STXBP5L: variants seen among roughly 807,000 people sequenced by gnomAD.
The protein encoded by STXBP5L is syntaxin-binding protein 5-like.
STXBP5L carries 65 observed loss-of-function variants against 144.5 expected under a neutral mutation model. The ratio of observed to expected loss-of-function variants is 0.45; its 90% confidence interval spans 0.37 to 0.55. STXBP5L has a LOEUF of 0.55. Among genes scored for constraint, STXBP5L ranks in the 20% least tolerant of loss-of-function variants. STXBP5L has a pLI of 0.00. For synonymous variants in STXBP5L, 505 were observed against 469.6 expected (o/e 1.08, Z -0.97); for missense variants, 1,298 against 1,405.5 (o/e 0.92, Z 1.22).
chr3:120,953,202 A>G (rs975415945), intron 2 of STXBP5L, among the ~76,000 whole-genome samples: 2 of 152,142 alleles, frequency 1.3e-5, no homozygotes, highest in Non-Finnish European at 2.9e-5. Context: ...CTGTTGAACA[A>G]ATATGATATG....
Position 121,122,281 on chromosome 3 carries a change from G to A in STXBP5L, c.669+577G>A, listed in dbSNP as rs1471128727. Among the ~76,000 whole-genome samples, 8 of 150,256 alleles carry A rather than the reference G, an allele frequency of 5.3e-5. No homozygotes were observed. The East Asian group carries it at 1.5e-3, about 29-fold the overall frequency. On this transcript the variant is annotated intron_variant, in intron 7 of 26. Transcript: ENST00000471454. ...TAGGTTTGGTTCTTTATTTTTAAAG[G>A]ATAGAAACTGAATTAGCCTATCAAA...
At chr3:121,402,645 G>T (rs532394859) in intron 22 of STXBP5L, among the ~76,000 whole-genome samples, 1 of 152,216 alleles carries the variant, frequency 6.6e-6, no homozygotes, top group South Asian at 2.1e-4. Context: ...GCTGAATATG[G>T]CTAGAGAAAA....
At chr3:121,266,603 A>G (rs1577334920) in intron 18 of STXBP5L, among the ~76,000 whole-genome samples, 1 of 152,192 alleles carries the variant, frequency 6.6e-6, no homozygotes, top group Non-Finnish European at 1.5e-5. Flanking sequence ...CCTGTTCAAC[A>G]TTAATATTGG....
At chr3:121,172,699 G>A (rs1394875672) in intron 9 of STXBP5L, among the ~76,000 whole-genome samples, 4 of 152,198 alleles carry the variant, frequency 2.6e-5, no homozygotes, top group Non-Finnish European at 5.9e-5. Context: ...TGGAGAGGAT[G>A]TGGAGAAATA....
chr3:120,948,551 C>T (rs1478137737), intron 2 of STXBP5L, among the ~76,000 whole-genome samples: 1 of 151,752 alleles, frequency 6.6e-6, no homozygotes, highest in Non-Finnish European at 1.5e-5. Context: ...TAACTCTCAC[C>T]CAACTCCCAC....
chr3:121,317,075 G>A (rs1034195727), intron 19 of STXBP5L, among the ~76,000 whole-genome samples: 6 of 152,172 alleles, frequency 3.9e-5, no homozygotes, highest in Non-Finnish European at 5.9e-5. Context: ...GACCGTGTTC[G>A]ACATAGTTTA....
intron 6 of STXBP5L, among the ~76,000 whole-genome samples, chr3:121,119,462 A>T (rs2044365921): frequency 6.6e-6 from 1 of 151,466 alleles, no homozygotes; most frequent in Admixed American, 6.6e-5. Flanking sequence ...TGAAAAGCCC[A>T]TAATGGAAAC....
chr3:121,197,100 G>A (rs759062899), intron 9 of STXBP5L, among the ~76,000 whole-genome samples: 6 of 151,618 alleles, frequency 4.0e-5, no homozygotes, highest in East Asian at 3.9e-4. Context: ...TTATATCTTC[G>A]TTTCATTCTT....
At chr3:121,003,684 A>C (rs1000644120) in intron 3 of STXBP5L, among the ~76,000 whole-genome samples, 1 of 152,182 alleles carries the variant, frequency 6.6e-6, no homozygotes, top group Non-Finnish European at 1.5e-5. Flanking sequence ...TTATGGTTTC[A>C]GGTCTAACAT....
At chr3:121,099,734 A>C (rs2043316969) in intron 5 of STXBP5L, 1 of 152,808 alleles carries the variant, frequency 6.5e-6, no homozygotes, top group African/African-American at 2.4e-5. Flanking sequence ...AAAACCCTGC[A>C]AATTTAAGGA....
intron 3 of STXBP5L, among the ~76,000 whole-genome samples, chr3:120,979,858 A>G (rs1400336360): frequency 1.3e-5 from 2 of 152,162 alleles, no homozygotes; most frequent in African/African-American, 2.4e-5. Context: ...GTAGGCATTT[A>G]ACACTATAAG....
chr3:121,191,942 G>A (rs780358610), intron 9 of STXBP5L, among the ~76,000 whole-genome samples: 22 of 98,496 alleles, frequency 2.2e-4, no homozygotes, highest in Non-Finnish European at 3.6e-4. Context: ...ACAGGGGCCT[G>A]TTTTGGGGTG....
chr3:121,210,400 C>A (rs9816430), intron 10 of STXBP5L, among the ~76,000 whole-genome samples: 94,409 of 151,184 alleles, frequency 0.62, 29,677 homozygotes, highest in East Asian at 0.8. Flanking sequence ...CTCTGATGGT[C>A]GTTTCTTTTG....
chr3:121,113,787 C>T (rs1182604240), intron 5 of STXBP5L, among the ~76,000 whole-genome samples: 2 of 150,956 alleles, frequency 1.3e-5, no homozygotes, highest in Non-Finnish European at 2.9e-5. Context: ...ATTCTCCTGC[C>T]TCAGCCTCCC....
intron 5 of STXBP5L, among the ~76,000 whole-genome samples, chr3:121,090,204 A>G (rs1486942191): frequency 6.6e-6 from 1 of 151,970 alleles, no homozygotes; most frequent in Non-Finnish European, 1.5e-5. Flanking sequence ...AGGTGGTTGT[A>G]TTTGACATTG....
chr3:121,085,383 C>T (rs1421218834), intron 5 of STXBP5L, among the ~76,000 whole-genome samples: 1 of 152,080 alleles, frequency 6.6e-6, no homozygotes, highest in African/African-American at 2.4e-5. Context: ...GTCAACCTGT[C>T]TCTGTTTGAA....
chr3:121,173,981 C>T (rs1459520236), intron 9 of STXBP5L, among the ~76,000 whole-genome samples: 1 of 152,016 alleles, frequency 6.6e-6, no homozygotes, highest in Non-Finnish European at 1.5e-5. Flanking sequence ...GAGGGATCAC[C>T]TTTTACTGTG....
chr3:120,977,837 G>A (rs1466968314), intron 3 of STXBP5L, among the ~76,000 whole-genome samples: 3 of 152,154 alleles, frequency 2.0e-5, no homozygotes, highest in Admixed American at 6.5e-5. Flanking sequence ...ATTCTGGGTT[G>A]AAAATTCTTT....
At chr3:120,947,541 G>A (rs544482126) in intron 2 of STXBP5L, among the ~76,000 whole-genome samples, 1 of 151,874 alleles carries the variant, frequency 6.6e-6, no homozygotes, top group South Asian at 2.1e-4. Context: ...ACAGAGTTGT[G>A]CAACAACCTC....
Sources: allele counts gnomAD v4.1 joint callset (sites outside exome capture counted in the v4.1 genomes callset), GRCh38; gene constraint gnomAD v4.1.1; transcripts MANE v1.5; gene names NCBI Gene and HGNC (gene_info 2026-07-23, HGNC 2026-07-21).